The following OXCT1 variants were observed in gnomAD, a reference collection of about 807,000 sequenced individuals.
OXCT1 encodes succinyl-CoA:3-ketoacid coenzyme A transferase 1, mitochondrial.
Under a neutral mutation model 69.6 loss-of-function variants are expected in OXCT1, and 27 were observed. That is an observed-to-expected ratio of 0.39 (90% CI 0.29 to 0.54). OXCT1 has a LOEUF of 0.54. OXCT1 is among the 20% of genes least tolerant of loss of function. The pLI, the probability that OXCT1 is intolerant of heterozygous loss-of-function variation, is 0.72. For synonymous variants in OXCT1, 202 were observed against 217.8 expected (o/e 0.93, Z 0.64); for missense variants, 437 against 650.2 (o/e 0.67, Z 3.57).
intron 14 of OXCT1, among the ~76,000 whole-genome samples, chr5:41,756,656 G>C (rs1412510145): frequency 6.6e-6 from 1 of 152,048 alleles, no homozygotes; most frequent in Non-Finnish European, 1.5e-5. Context: ...TATTCTACTC[G>C]GTGCTTATAA....
rs183622693 is a variant in OXCT1, at chr5:41,737,987, G to A, written c.1521+1403C>T. Among the ~76,000 whole-genome samples, 497 of 152,154 alleles carry A rather than the reference G, an allele frequency of 3.3e-3. 1 individual carries two copies. Among genetic ancestry groups the A allele is most frequent in the Middle Eastern group, 6.8e-3 (2 of 294 alleles). The stretch of plus-strand genomic sequence containing the variant: ...GGAGAATGGTGTGAACCTGGGAGGC[G>A]GAGCTTGCAATGAGCCAAGATCGCG... On this transcript the variant is annotated intron_variant, in intron 16 of 16. Transcript: ENST00000196371.
rs1364472040 is a variant in OXCT1 at position 41,861,389 on chromosome 5, CCA to C, written c.201_202del (p.Cys67TrpfsTer28). On this transcript the variant is annotated frameshift_variant, in exon 3 of 17. Transcript: ENST00000196371. LOFTEE classifies it high-confidence loss of function. ...AGCATCTATAAGATTCTCTGGAATT[CCA>C]CATAGCCCAAAACCTATATTAAGCC... 1 of 1,609,918 alleles carries C rather than the reference CCA, an allele frequency of 6.2e-7. No individual in the cohort carries two copies. Among genetic ancestry groups the C allele is most frequent in the East Asian group, 2.2e-5 (1 of 44,804 alleles).
At chr5:41,840,758 T>G (rs998034700) in intron 6 of OXCT1, among the ~76,000 whole-genome samples, 7 of 152,144 alleles carry the variant, frequency 4.6e-5, no homozygotes, top group African/African-American at 1.4e-4. Context: ...AGGAACTATT[T>G]TTCACATTCA....
intron 7 of OXCT1, among the ~76,000 whole-genome samples, chr5:41,814,790 G>C (rs557936512): frequency 8.4e-4 from 127 of 151,384 alleles, no homozygotes; most frequent in Non-Finnish European, 1.5e-3. Context: ...ACGAGTTAGT[G>C]GGTGCAGCGC....
intron 1 of OXCT1, among the ~76,000 whole-genome samples, chr5:41,863,375 T>C (rs2112477558): frequency 6.6e-6 from 1 of 152,260 alleles, no homozygotes; most frequent in Middle Eastern, 3.4e-3. Context: ...TTAACCATAG[T>C]CGCCATGGTG....
chr5:41,843,327 T>C (rs1748736636), intron 5 of OXCT1, among the ~76,000 whole-genome samples: 1 of 152,180 alleles, frequency 6.6e-6, no homozygotes, highest in Non-Finnish European at 1.5e-5. Flanking sequence ...TATGTCTCCA[T>C]TTACTGAGGT....
intron 7 of OXCT1, among the ~76,000 whole-genome samples, chr5:41,832,609 C>T (rs1579833792): frequency 1.3e-5 from 2 of 152,004 alleles, no homozygotes; most frequent in Admixed American, 1.3e-4. Context: ...TGCCCAGACA[C>T]CAACAAACAT....
chr5:41,856,161 G>A (rs989801238), intron 3 of OXCT1, among the ~76,000 whole-genome samples: 10 of 152,150 alleles, frequency 6.6e-5, no homozygotes, highest in Admixed American at 1.3e-4. Flanking sequence ...ATGAAAGGCC[G>A]GGATATCAAT....
intron 7 of OXCT1, among the ~76,000 whole-genome samples, chr5:41,836,859 G>C (rs766343467): frequency 2.6e-5 from 4 of 152,132 alleles, no homozygotes; most frequent in Non-Finnish European, 5.9e-5. Flanking sequence ...CCTTGGTCTA[G>C]AACACATCTG....
Position 41,780,935 on chromosome 5 carries a change from G to A in OXCT1, c.1248+13068C>T, listed in dbSNP as rs183702495. 3.9e-3 allele frequency among the ~76,000 whole-genome samples: 580 copies of A among 148,642 alleles called. 4 individuals are homozygous for A. Among genetic ancestry groups the A allele is most frequent in the Middle Eastern group, 0.021 (6 of 288 alleles). Reference sequence around the variant, plus strand: ...TTTTTTTTTTTTGAGACGGAGTCTCGCTCTGTCACCTAGGCTGCAGGGCAG... The same window carrying A: ...TTTTTTTTTTTTGAGACGGAGTCTCACTCTGTCACCTAGGCTGCAGGGCAG... On this transcript the variant is annotated intron_variant, in intron 13 of 16. Transcript: ENST00000196371.
At chr5:41,765,321 G>T (rs997579641) in intron 13 of OXCT1, among the ~76,000 whole-genome samples, 1 of 152,080 alleles carries the variant, frequency 6.6e-6, no homozygotes, top group Admixed American at 6.6e-5. Context: ...GTTTTTTCAC[G>T]TTCTGCAATC....
intron 1 of OXCT1, among the ~76,000 whole-genome samples, chr5:41,867,553 A>G (rs1209880895): frequency 2.6e-5 from 4 of 152,228 alleles, no homozygotes; most frequent in Non-Finnish European, 5.9e-5. Flanking sequence ...CAAGGAGAAG[A>G]GAAGATGGTT....
intron 13 of OXCT1, among the ~76,000 whole-genome samples, chr5:41,788,448 A>G (rs1218468066): frequency 6.6e-6 from 1 of 152,200 alleles, no homozygotes; most frequent in Non-Finnish European, 1.5e-5. Context: ...CTATATGATT[A>G]CAAAAACCTA....
chr5:41,863,259 T>C (rs74644379), intron 1 of OXCT1, among the ~76,000 whole-genome samples: 3,914 of 152,296 alleles, frequency 0.026, 57 homozygotes, highest in Middle Eastern at 0.058. Context: ...GAGGATACTA[T>C]ATACATTGTT....
intron 1 of OXCT1, among the ~76,000 whole-genome samples, chr5:41,865,070 C>T (rs1749902013): frequency 2.0e-5 from 3 of 152,126 alleles, no homozygotes; most frequent in African/African-American, 7.2e-5. Context: ...GGTATCCATT[C>T]CCTCAAGCAT....
Position 41,862,740 on chromosome 5 carries a change from C to A in OXCT1, c.89G>T (p.Cys30Phe). The stretch of plus-strand genomic sequence containing the variant: ...GCGATGAGCACTGGTGGAAAAGGAA[C>A]AAACACATCCCTGAAATATTAAAAA... The part of the protein sequence containing the change: ...SGATWYKGCV[C>F]SFSTSAHRHT... Residue 30 changes from cysteine (C) to phenylalanine (F), a missense_variant, in exon 2 of 17, where the codon TGT becomes TTT. Physicochemically the swap from Cys to Phe is radical, Grantham distance 205. Transcript: ENST00000196371. The A allele has an allele frequency of 1.9e-6, 3 of 1,596,314 alleles. No homozygotes were observed. The highest frequency in any genetic ancestry group is 2.6e-6 in the Non-Finnish European group (3 of 1,164,908).
chr5:41,796,063 G>T (rs1370880242), intron 11 of OXCT1, among the ~76,000 whole-genome samples: 1 of 152,014 alleles, frequency 6.6e-6, no homozygotes, highest in African/African-American at 2.4e-5. Flanking sequence ...TAAAATCAGG[G>T]AATAACATGG....
intron 13 of OXCT1, among the ~76,000 whole-genome samples, chr5:41,785,732 A>G (rs1745610084): frequency 6.6e-6 from 1 of 152,218 alleles, no homozygotes; most frequent in South Asian, 2.1e-4. Context: ...AGCACATCCC[A>G]AGGCTCTTGG....
intron 13 of OXCT1, among the ~76,000 whole-genome samples, chr5:41,784,005 T>G (rs947579594): frequency 4.7e-5 from 7 of 150,438 alleles, no homozygotes; most frequent in African/African-American, 1.7e-4. Flanking sequence ...AAGGTTAACA[T>G]GTGTGAGGGC....
Sources: gnomAD v4.1 joint callset for allele counts (sites outside exome capture counted in the v4.1 genomes callset) on GRCh38, gnomAD v4.1.1 for gene constraint, MANE v1.5 for transcripts, NCBI Gene and HGNC (gene_info 2026-07-23, HGNC 2026-07-21) for gene names.